UBE2E2: variants seen among roughly 807,000 people sequenced by gnomAD.
The protein encoded by UBE2E2 is ubiquitin conjugating enzyme E2 E2.
A neutral mutation model predicts 24.7 loss-of-function variants in UBE2E2; 6 were observed. The ratio of observed to expected loss-of-function variants is 0.24; its 90% CI spans 0.13 to 0.48. The LOEUF (loss-of-function observed/expected upper bound fraction) is 0.48. Among genes scored for constraint, UBE2E2 ranks in the 20% least tolerant of loss-of-function variants. The pLI, the probability that UBE2E2 is intolerant of heterozygous loss-of-function variation, is 0.99. For missense variants in UBE2E2, 169 were observed against 245.0 expected (o/e 0.69, Z 2.07); for synonymous variants, 104 against 83.6 (o/e 1.24, Z -1.33).
At chr3:23,231,757 T>C (rs749066089) in intron 3 of UBE2E2, among the ~76,000 whole-genome samples, 1 of 152,166 alleles carries the variant, frequency 6.6e-6, no homozygotes, top group Non-Finnish European at 1.5e-5. Flanking sequence ...TTTGGGTTTG[T>C]TTGATTAACT....
At chr3:23,390,571 C>T (rs554303195) in intron 3 of UBE2E2, among the ~76,000 whole-genome samples, 3 of 152,318 alleles carry the variant, frequency 2.0e-5, no homozygotes, top group Admixed American at 2.0e-4. Flanking sequence ...ACCAAGAGGG[C>T]AGAGTGTAAA....
intron 3 of UBE2E2, among the ~76,000 whole-genome samples, chr3:23,488,614 C>A (rs944177920): frequency 2.0e-5 from 3 of 152,110 alleles, no homozygotes; most frequent in African/African-American, 7.2e-5. Context: ...TTACATTTCA[C>A]CGTGTATGAG....
intron 3 of UBE2E2, among the ~76,000 whole-genome samples, chr3:23,366,306 A>G (rs1696254228): frequency 6.6e-6 from 1 of 152,186 alleles, no homozygotes; most frequent in South Asian, 2.1e-4. Flanking sequence ...CAATCCCTTT[A>G]TTGGGTATAT....
At chr3:23,366,275 CAG>C (rs1696253673) in intron 3 of UBE2E2, among the ~76,000 whole-genome samples, 1 of 152,150 alleles carries the variant, frequency 6.6e-6, no homozygotes, top group Non-Finnish European at 1.5e-5. Flanking sequence ...GAACTTAAAA[CAG>C]AAATACCATT....
At chr3:23,243,948 G>A (rs1177624302) in intron 3 of UBE2E2, among the ~76,000 whole-genome samples, 1 of 151,816 alleles carries the variant, frequency 6.6e-6, no homozygotes, top group Non-Finnish European at 1.5e-5. Context: ...ACACTCGGGA[G>A]TTTTAGTTGC....
intron 3 of UBE2E2, among the ~76,000 whole-genome samples, chr3:23,417,526 G>C (rs150585726): frequency 1.3e-5 from 2 of 152,206 alleles, no homozygotes; most frequent in Admixed American, 1.3e-4. Flanking sequence ...AGGCATGGGG[G>C]TTGGGTCAGG....
intron 3 of UBE2E2, among the ~76,000 whole-genome samples, chr3:23,467,026 T>A (rs986679653): frequency 6.6e-6 from 1 of 152,214 alleles, no homozygotes; most frequent in African/African-American, 2.4e-5. Context: ...GAGATCTTGC[T>A]ATGGAAAAGT....
At chr3:23,517,213 A>G (rs1332113818) in intron 4 of UBE2E2, among the ~76,000 whole-genome samples, 2 of 152,106 alleles carry the variant, frequency 1.3e-5, no homozygotes, top group African/African-American at 4.8e-5. Flanking sequence ...TGCTTCTGGA[A>G]TTTCTATGAG....
intron 3 of UBE2E2, among the ~76,000 whole-genome samples, chr3:23,425,964 A>G (rs61707213): frequency 0.1 from 15,575 of 152,242 alleles, 936 homozygotes; most frequent in East Asian, 0.13. Flanking sequence ...ATTTAAAACA[A>G]CTATCATTAA....
At chr3:23,400,309 G>A (rs981743624) in intron 3 of UBE2E2, among the ~76,000 whole-genome samples, 5 of 152,000 alleles carry the variant, frequency 3.3e-5, no homozygotes, top group African/African-American at 7.2e-5. Context: ...AACGGAAAAC[G>A]GATAAAAAGG....
At chr3:23,455,633 A>G (rs1035663149) in intron 3 of UBE2E2, among the ~76,000 whole-genome samples, 3 of 152,136 alleles carry the variant, frequency 2.0e-5, no homozygotes, top group East Asian at 1.9e-4. Flanking sequence ...CAAGGCTGCT[A>G]TGAGCTGGGA....
chr3:23,496,403 A>T (rs886500411), intron 3 of UBE2E2, among the ~76,000 whole-genome samples: 1 of 151,944 alleles, frequency 6.6e-6, no homozygotes, highest in Non-Finnish European at 1.5e-5. Flanking sequence ...TGCTTCTCCA[A>T]CCTCTGCTCC....
chr3:23,490,641 T>C (rs1483658225), intron 3 of UBE2E2, among the ~76,000 whole-genome samples: 1 of 152,204 alleles, frequency 6.6e-6, no homozygotes, highest in Admixed American at 6.5e-5. Context: ...ACTGAGGAAG[T>C]CTTCCTTTCT....
intron 5 of UBE2E2, among the ~76,000 whole-genome samples, chr3:23,559,753 C>T (rs946825640): frequency 3.9e-5 from 6 of 152,234 alleles, no homozygotes; most frequent in South Asian, 2.1e-4. Context: ...GTATCATGCA[C>T]GTTAGAAATA....
At chr3:23,273,600 G>GA (rs905342248) in intron 3 of UBE2E2, among the ~76,000 whole-genome samples, 3 of 151,058 alleles carry the variant, frequency 2.0e-5, no homozygotes, top group Non-Finnish European at 3.0e-5. Flanking sequence ...ACACTGATGA[G>GA]AAAAAAAAAT....
chr3:23,456,398 C>T (rs1352251116), intron 3 of UBE2E2, among the ~76,000 whole-genome samples: 4 of 152,226 alleles, frequency 2.6e-5, no homozygotes, highest in African/African-American at 9.6e-5. Context: ...TTTCAGTTGA[C>T]TTTGCCCAGA....
At position 23,413,930 on chromosome 3, in the gene UBE2E2, A is replaced by G. The variant is rs189342829; in HGVS notation, c.228-85678A>G. On this transcript the variant is annotated intron_variant, in intron 3 of 5. Coordinates refer to ENST00000396703, the MANE Select transcript of UBE2E2 (RefSeq NM_152653.4). ...ATGAATGCATATATTTATCGTTATT[A>G]CTATATATCTGTATATCTTGGTTTT... 4.6e-3 allele frequency among the ~76,000 whole-genome samples: 702 copies of G among 152,306 alleles called. 2 individuals carry two copies. Among genetic ancestry groups the G allele is most frequent in the Non-Finnish European group, 7.4e-3 (502 of 68,032 alleles).
rs146964334 is a variant in UBE2E2 at position 23,287,931 on chromosome 3, C to T, written c.227+70619C>T. Among the ~76,000 whole-genome samples, 21 of 151,810 alleles carry T rather than the reference C, an allele frequency of 1.4e-4. No individual in the cohort carries two copies. In the East Asian group the frequency reaches 4.1e-3, roughly 30 times the overall value. ...TTCTTTATTTTGATTTCATTTATTT[C>T]TGCTCTGATCTTTATAATTTCTTTT... is the stretch of plus-strand genomic sequence containing the variant. On this transcript the variant is annotated intron_variant, in intron 3 of 5. Transcript: ENST00000396703.
intron 3 of UBE2E2, among the ~76,000 whole-genome samples, chr3:23,450,548 G>A (rs1334692151): frequency 6.6e-6 from 1 of 152,004 alleles, no homozygotes; most frequent in African/African-American, 2.4e-5. Flanking sequence ...CTAGAAATAT[G>A]ATTCTTTAAA....
Sources: allele counts gnomAD v4.1 joint callset (sites outside exome capture counted in the v4.1 genomes callset), GRCh38; gene constraint gnomAD v4.1.1; transcripts MANE v1.5; gene names NCBI Gene and HGNC (gene_info 2026-07-23, HGNC 2026-07-21).